The following RIF1 variants were observed in gnomAD, a reference collection of about 807,000 sequenced individuals.
RIF1 encodes replication timing regulatory factor 1.
A neutral mutation model predicts 247.1 loss-of-function variants in RIF1; 45 were observed. The observed-to-expected ratio is 0.18, with a 90% CI of 0.14 to 0.23. The LOEUF (loss-of-function observed/expected upper bound fraction) is 0.23. RIF1 is among the 10% of genes least tolerant of loss of function. The probability of loss-of-function intolerance (pLI) is 1.00; values close to 1 mark genes in which losing one functional copy is unlikely to be tolerated. For missense variants in RIF1, 2,967 were observed against 2,862.5 expected (o/e 1.04, Z -0.83); for synonymous variants, 1,087 against 978.8 (o/e 1.11, Z -2.06).
In RIF1 at chr2:151,437,332, A is replaced by G. The variant is rs144809392; in HGVS notation, c.1464A>G (p.Ala488=). Residue 488 remains alanine, a synonymous_variant, in exon 13 of 36, where the codon GCA becomes GCG. Transcript: ENST00000444746. ...LITAVHDSFV[A]VGKDAPDVVV... ...CTGCTGTTCATGATAGCTTTGTTGC[A>G]GTTGGAAAAGATGCCCCCGGTAAGA... The G allele has an allele frequency of 9.4e-5, 152 of 1,612,520 alleles. No individual in the cohort carries two copies. Among genetic ancestry groups the G allele is most frequent in the Non-Finnish European group, 1.3e-4 (149 of 1,178,826 alleles).
At chr2:151,415,137 G>A (rs990668243) in intron 4 of RIF1, among the ~76,000 whole-genome samples, 1 of 151,542 alleles carries the variant, frequency 6.6e-6, no homozygotes, top group Admixed American at 6.6e-5. Context: ...CATGAGGTCA[G>A]GAGATCGAGA....
the RIF1 span, among the ~76,000 whole-genome samples, chr2:151,514,043 G>C: frequency 6.6e-6 from 1 of 152,198 alleles, no homozygotes; most frequent in Non-Finnish European, 1.5e-5. Context: ...GTGTTTTCGT[G>C]TAGATGAGCA....
chr2:151,506,413 A>C, intron 13 of RIF1: 1 of 622,082 alleles, frequency 1.6e-6, no homozygotes, highest in Non-Finnish European at 2.9e-6. Context: ...TTTCCATGTC[A>C]GTATCAGTGA....
rs751461918 is a variant in RIF1 at position 151,463,779 on chromosome 2, G to A, written c.4259G>A (p.Arg1420Gln). 6.2e-6 allele frequency: 10 copies of A among 1,613,688 alleles called. No homozygotes were observed. Among genetic ancestry groups the A allele is most frequent in the South Asian group, 3.3e-5 (3 of 91,026 alleles). ...AAAACCCTTAGACGGTCTTCAAGGC[G>A]ACGTTCAGAAGTAGTAGAGTCTACC... The part of the protein sequence containing the change: ...NQKTLRRSSR[R>Q]RSEVVESTTE... The change falls in exon 30 of 36, where the codon CGA becomes CAA. Residue 1420 changes from arginine to glutamine, a missense_variant. Coordinates refer to ENST00000444746, the MANE Select transcript of RIF1 (RefSeq NM_018151.5).
At chr2:151,423,187 G>T (rs901375790) in intron 8 of RIF1, 145 bp downstream of exon 8, 2 of 591,604 alleles carry the variant, frequency 3.4e-6, no homozygotes, top group Non-Finnish European at 5.9e-6. Flanking sequence ...AAATTTATTT[G>T]TAAATCTGAA....
At chr2:151,531,704 C>A in the RIF1 span, 10 of 1,020,602 alleles carry the variant, frequency 9.8e-6, no homozygotes, top group Middle Eastern at 2.0e-4. Flanking sequence ...GCAGTAGTCT[C>A]CCAGACTTTG....
intron 11 of RIF1, 63 bp from the exon 12 acceptor site, chr2:151,436,764 C>T: frequency 8.7e-7 from 1 of 1,147,978 alleles, no homozygotes; most frequent in Non-Finnish European, 1.2e-6. Flanking sequence ...GAAATGTATG[C>T]ATTTGGGTAG....
intron 9 of RIF1, among the ~76,000 whole-genome samples, chr2:151,490,975 T>C (rs1414555429): frequency 6.6e-6 from 1 of 152,210 alleles, no homozygotes; most frequent in African/African-American, 2.4e-5. Flanking sequence ...ATGGATTTAC[T>C]TCTGTGTCTT....
chr2:151,518,409 T>G, the RIF1 span: 1 of 1,604,730 alleles, frequency 6.2e-7, no homozygotes, highest in Non-Finnish European at 8.5e-7. Flanking sequence ...CTCATACTTC[T>G]TCTTGTACTG....
rs1163984285 is a variant in RIF1, at chr2:151,410,014, C to T, written c.-30C>T. 1 of 702,764 alleles carries T rather than the reference C, an allele frequency of 1.4e-6. No homozygotes were observed. Among genetic ancestry groups the T allele is most frequent in the Non-Finnish European group, 2.6e-6 (1 of 384,920 alleles). 43.5% of individuals were successfully genotyped at this position (702,764 alleles called of 1,614,324 possible). A position where few individuals can be genotyped will look rare whatever the true frequency, so the allele number is the denominator to read the frequency against. On this transcript the variant is annotated 5_prime_UTR_variant, in exon 1 of 36. Transcript: ENST00000444746. Reference sequence around the variant, plus strand: ...TGCTGAGGGGCAGAGGCGGAGAGAACCCTGTCCTGATCTTCCTAGGTGGGA... The same window carrying T: ...TGCTGAGGGGCAGAGGCGGAGAGAATCCTGTCCTGATCTTCCTAGGTGGGA...
chr2:151,458,976 A>G, intron 25 of RIF1, 66 bp downstream of exon 25: 1 of 933,940 alleles, frequency 1.1e-6, no homozygotes, highest in Non-Finnish European at 1.6e-6. Context: ...AAAGTTATAA[A>G]TAAGTAGAAC....
At chr2:151,519,618 AT>A in the RIF1 span, 1 of 1,434,492 alleles carries the variant, frequency 7.0e-7, no homozygotes, top group Non-Finnish European at 9.8e-7. Context: ...AAAATGGCAA[AT>A]ACCATGTTAT....
intron 21 of RIF1, 136 bp downstream of exon 21, chr2:151,451,841 C>A: frequency 1.8e-6 from 1 of 564,646 alleles, no homozygotes; most frequent in Non-Finnish European, 3.2e-6. Context: ...AGTTACTATG[C>A]TAGGAGCTTT....
intron 17 of RIF1, 64 bp from the exon 18 acceptor site, chr2:151,443,465 G>A: frequency 6.9e-7 from 1 of 1,440,788 alleles, no homozygotes. Context: ...TTAGAATTTT[G>A]TTAACATTAA....
intron 34 of RIF1, among the ~76,000 whole-genome samples, chr2:151,470,149 T>G (rs547798127): frequency 6.6e-6 from 1 of 152,202 alleles, no homozygotes; most frequent in African/African-American, 2.4e-5. Context: ...CCATACAGAT[T>G]TGTAGGTCAC....
intron 21 of RIF1, among the ~76,000 whole-genome samples, chr2:151,454,195 T>C (rs1694815459): frequency 6.6e-6 from 1 of 152,226 alleles, no homozygotes; most frequent in Non-Finnish European, 1.5e-5. Context: ...AAATTTGAGA[T>C]CTCATTCCTT....
chr2:151,430,069 G>A, intron 9 of RIF1, among the ~76,000 whole-genome samples: 1 of 150,588 alleles, frequency 6.6e-6, no homozygotes. Context: ...CGTCCAGGCT[G>A]GAGTGCAGTG....
chr2:151,471,401 T>C (rs979546631), intron 34 of RIF1, among the ~76,000 whole-genome samples: 5 of 152,242 alleles, frequency 3.3e-5, no homozygotes, highest in African/African-American at 1.2e-4. Flanking sequence ...ATTTTGGCTT[T>C]TGTTGCCATT....
intron 26 of RIF1, 31 bp downstream of exon 26, chr2:151,460,150 T>A (rs1224563236): frequency 9.0e-6 from 13 of 1,447,006 alleles, no homozygotes; most frequent in Non-Finnish European, 1.2e-5. Flanking sequence ...TCAAAAATTT[T>A]AAGATAAAGT....
Sources: allele counts gnomAD v4.1 joint callset (sites outside exome capture counted in the v4.1 genomes callset), GRCh38; gene constraint gnomAD v4.1.1; transcripts MANE v1.5; gene names NCBI Gene and HGNC (gene_info 2026-07-23, HGNC 2026-07-21).